Variants in ADAMTS16 observed in about 807,000 individuals in gnomAD.
ADAMTS16 encodes ADAM metallopeptidase with thrombospondin type 1 motif 16.
ADAMTS16 carries 94 observed loss-of-function variants against 145.8 expected under a neutral mutation model. The ratio of observed to expected loss-of-function variants is 0.64; its 90% confidence interval spans 0.55 to 0.77. The LOEUF (loss-of-function observed/expected upper bound fraction) is 0.77, where lower values mean the gene tolerates loss of function less well. ADAMTS16 is among the 30% of genes least tolerant of loss of function. The pLI, the probability that ADAMTS16 is intolerant of heterozygous loss-of-function variation, is 0.00. For missense variants in ADAMTS16, 1,585 were observed against 1,591.5 expected, an observed-to-expected ratio of 1.00 and a Z score of 0.07; for synonymous variants, 659 against 604.3, an observed-to-expected ratio of 1.09 and a Z score of -1.33.
chr5:5,253,738 T>G (rs1737697954), intron 17 of ADAMTS16, among the ~76,000 whole-genome samples: 1 of 152,172 alleles, frequency 6.6e-6, no homozygotes, highest in Non-Finnish European at 1.5e-5. Context: ...AGACCCCACC[T>G]GGTCACCACA....
intron 13 of ADAMTS16, among the ~76,000 whole-genome samples, chr5:5,235,991 C>T (rs1303494154): frequency 6.6e-6 from 1 of 152,178 alleles, no homozygotes; most frequent in East Asian, 1.9e-4. Context: ...TTGGTTGTCC[C>T]TTTACTCCTA....
chr5:5,191,041 G>C (rs1410213568), intron 7 of ADAMTS16, among the ~76,000 whole-genome samples: 1 of 152,194 alleles, frequency 6.6e-6, no homozygotes, highest in South Asian at 2.1e-4. Flanking sequence ...GTCCCTGGTG[G>C]ACAACATTCA....
In ADAMTS16 at chr5:5,161,245, T is replaced by C. The variant is rs368455464; in HGVS notation, c.501+14790T>C. Among the ~76,000 whole-genome samples the C allele has an allele frequency of 2.8e-4, 43 of 152,358 alleles. No individual in the cohort carries two copies. In the South Asian group the frequency reaches 8.9e-3, roughly 32 times the overall value. On this transcript the variant is annotated intron_variant, in intron 3 of 22. Coordinates refer to ENST00000274181, the MANE Select transcript of ADAMTS16 (RefSeq NM_139056.4). ...GATTCATCCTGTTATTTGGCAATTATTCACAGTTTAGATTTCACCTTCATC... is the reference window on the plus strand; with the variant it reads ...GATTCATCCTGTTATTTGGCAATTACTCACAGTTTAGATTTCACCTTCATC...
At chr5:5,151,827 C>A (rs1253163187) in intron 3 of ADAMTS16, among the ~76,000 whole-genome samples, 2 of 151,826 alleles carry the variant, frequency 1.3e-5, no homozygotes, top group East Asian at 3.9e-4. Flanking sequence ...TACATTAGGT[C>A]TTTATACTTA....
intron 21 of ADAMTS16, 82 bp from the exon 22 acceptor site, chr5:5,318,051 CT>C: frequency 3.9e-6 from 5 of 1,271,720 alleles, no homozygotes; most frequent in Non-Finnish European, 4.0e-6. Context: ...AGCAGCAGGC[CT>C]TTTAGAAAGG....
At chr5:5,185,961 T>C (rs1040391471) in intron 4 of ADAMTS16, 91 bp from the exon 5 acceptor site, 5 of 1,166,330 alleles carry the variant, frequency 4.3e-6, no homozygotes, top group Non-Finnish European at 6.2e-6. Context: ...TGAGTGTTCA[T>C]TTTTGAGACC....
At chr5:5,260,340 C>A (rs535889236) in intron 17 of ADAMTS16, among the ~76,000 whole-genome samples, 1 of 151,750 alleles carries the variant, frequency 6.6e-6, no homozygotes, top group South Asian at 2.1e-4. Flanking sequence ...TAGAAATATT[C>A]TTCTTCAAGA....
At chr5:5,145,038 C>T (rs918019068) in intron 2 of ADAMTS16, among the ~76,000 whole-genome samples, 1 of 152,136 alleles carries the variant, frequency 6.6e-6, no homozygotes, top group Non-Finnish European at 1.5e-5. Context: ...TGGGGCCTCA[C>T]GGGAGCCTTG....
chr5:5,263,855 C>T (rs1311689792), intron 18 of ADAMTS16, among the ~76,000 whole-genome samples: 1 of 152,230 alleles, frequency 6.6e-6, no homozygotes, highest in African/African-American at 2.4e-5. Flanking sequence ...TTCTGGTACC[C>T]ACACTCAGTG....
chr5:5,215,043 T>C (rs1041444385), intron 10 of ADAMTS16, among the ~76,000 whole-genome samples: 2 of 152,154 alleles, frequency 1.3e-5, no homozygotes, highest in Non-Finnish European at 2.9e-5. Flanking sequence ...CTAATCTAGA[T>C]GATGGATGGA....
intron 20 of ADAMTS16, 91 bp downstream of exon 20, chr5:5,303,857 C>G (rs1739906635): frequency 2.1e-6 from 3 of 1,401,316 alleles, no homozygotes; most frequent in African/African-American, 1.4e-5. Context: ...TCACTTCTCT[C>G]TCTTCTCCCC....
chr5:5,294,878 CCAGA>C (rs1243799149), intron 18 of ADAMTS16, among the ~76,000 whole-genome samples: 1 of 152,110 alleles, frequency 6.6e-6, no homozygotes, highest in Non-Finnish European at 1.5e-5. Context: ...CCATTACCCA[CCAGA>C]CAGAGATGTC....
At chr5:5,208,961 G>T in intron 9 of ADAMTS16, 132 bp from the exon 10 acceptor site, 1 of 915,602 alleles carries the variant, frequency 1.1e-6, no homozygotes, top group South Asian at 2.3e-5. Flanking sequence ...TAACTCAGGA[G>T]AAAAAAAGTT....
At chr5:5,224,935 A>G (rs1236588361) in intron 11 of ADAMTS16, among the ~76,000 whole-genome samples, 1 of 151,820 alleles carries the variant, frequency 6.6e-6, no homozygotes, top group African/African-American at 2.4e-5. Flanking sequence ...GTTACATTTT[A>G]TTTATCTCAA....
intron 2 of ADAMTS16, among the ~76,000 whole-genome samples, chr5:5,144,307 T>A (rs371590173): frequency 4.6e-5 from 7 of 152,206 alleles, no homozygotes; most frequent in African/African-American, 1.7e-4. Context: ...AGGCTACACT[T>A]TTTTTCCTTT....
At chr5:5,271,684 G>T (rs970171057) in intron 18 of ADAMTS16, among the ~76,000 whole-genome samples, 7 of 152,202 alleles carry the variant, frequency 4.6e-5, no homozygotes, top group Non-Finnish European at 4.4e-5. Context: ...ACAGGGGATT[G>T]AAGATACAAG....
intron 20 of ADAMTS16, among the ~76,000 whole-genome samples, chr5:5,304,755 T>C (rs576383154): frequency 1.3e-4 from 20 of 152,084 alleles, no homozygotes; most frequent in Non-Finnish European, 2.9e-4. Context: ...TTGCTAACAA[T>C]GCACTTCAGG....
chr5:5,174,200 G>A (rs1405304959), intron 3 of ADAMTS16, among the ~76,000 whole-genome samples: 1 of 152,030 alleles, frequency 6.6e-6, no homozygotes, highest in Non-Finnish European at 1.5e-5. Flanking sequence ...TCATGTTTGA[G>A]GGATATTTTC....
At chr5:5,244,472 G>T (rs1393426722) in intron 17 of ADAMTS16, among the ~76,000 whole-genome samples, 1 of 152,194 alleles carries the variant, frequency 6.6e-6, no homozygotes, top group African/African-American at 2.4e-5. Context: ...TCAGATTCAA[G>T]TCTTGGCTTC....
Sources: gnomAD v4.1 joint callset for allele counts (sites outside exome capture counted in the v4.1 genomes callset) on GRCh38, gnomAD v4.1.1 for gene constraint, MANE v1.5 for transcripts, NCBI Gene and HGNC (gene_info 2026-07-23, HGNC 2026-07-21) for gene names.